Variants in ANKFY1 observed in about 807,000 individuals in gnomAD.
ANKFY1 encodes ankyrin repeat and FYVE domain containing 1.
A neutral mutation model predicts 128.3 loss-of-function variants in ANKFY1; 47 were observed. That is an observed-to-expected ratio of 0.37 (90% CI 0.29 to 0.47). ANKFY1 has a LOEUF of 0.47. Ranked by LOEUF, ANKFY1 falls within the 20% of genes least tolerant of loss-of-function variation. The probability of loss-of-function intolerance (pLI) is 1.00; values close to 1 mark genes in which losing one functional copy is unlikely to be tolerated. For missense variants in ANKFY1, 1,222 were observed against 1,510.6 expected, an observed-to-expected ratio of 0.81 and a Z score of 3.17; for synonymous variants, 553 against 601.6, an observed-to-expected ratio of 0.92 and a Z score of 1.18.
chr17:4,191,241 T>G (rs2059710430), intron 10 of ANKFY1: 1 of 152,286 alleles, frequency 6.6e-6, no homozygotes, highest in Non-Finnish European at 1.5e-5. Context: ...TGATGGTTGC[T>G]CTATACTGGA....
intron 10 of ANKFY1, among the ~76,000 whole-genome samples, chr17:4,193,772 A>T (rs2059761942): frequency 7.2e-6 from 1 of 139,384 alleles, no homozygotes; most frequent in Non-Finnish European, 1.6e-5. Flanking sequence ...TAATTTACTT[A>T]TTTTTGAGAT....
chr17:4,251,536 A>G (rs752787079), intron 1 of ANKFY1, among the ~76,000 whole-genome samples: 1 of 64,410 alleles, frequency 1.6e-5, no homozygotes, highest in African/African-American at 4.7e-5. Flanking sequence ...AATAAAAATT[A>G]AAAAAAAAAA....
intron 15 of ANKFY1, 27 bp downstream of exon 15, chr17:4,182,154 C>A: frequency 6.9e-7 from 1 of 1,444,142 alleles, no homozygotes; most frequent in East Asian, 2.5e-5. Flanking sequence ...CATCTGTAAA[C>A]AGAGGCTAAC....
intron 21 of ANKFY1, 79 bp from the exon 22 acceptor site, chr17:4,172,759 CTG>C: frequency 6.5e-7 from 1 of 1,538,058 alleles, no homozygotes; most frequent in Non-Finnish European, 8.8e-7. Context: ...TTTCTGAACT[CTG>C]TGATGGTGGA....
At chr17:4,174,927 C>T (rs1383251381) in intron 19 of ANKFY1, among the ~76,000 whole-genome samples, 1 of 151,762 alleles carries the variant, frequency 6.6e-6, no homozygotes, top group East Asian at 2.0e-4. Flanking sequence ...CAACGTCTTG[C>T]TATGTTGCCC....
chr17:4,185,179 C>G (rs907756031), intron 11 of ANKFY1, 133 bp from the exon 12 acceptor site: 2 of 776,974 alleles, frequency 2.6e-6, no homozygotes, highest in Non-Finnish European at 4.4e-6. Flanking sequence ...CTTCTGTTCT[C>G]TTTCTCCTGA....
In ANKFY1 at chr17:4,195,109, A is replaced by G. The variant is rs2059793557; in HGVS notation, c.1241T>C (p.Val414Ala). Residue 414 changes from valine (V) to alanine (A), a missense_variant, in exon 10 of 25, where the codon GTG becomes GCG. By Grantham distance (64) the Val-to-Ala change is moderately conservative. Coordinates refer to ENST00000341657, the MANE Select transcript of ANKFY1 (RefSeq NM_001330063.2). ...ALWLAVQHITVSSDQSVNPFE... is the reference protein window; with the variant it reads ...ALWLAVQHITASSDQSVNPFE... The stretch of plus-strand genomic sequence containing the variant: ...GGGGTTCACAGACTGGTCAGAAGAC[A>G]CTGTGATATGCTGCACTGCCAGCCA... 1 of 1,614,208 alleles carries G rather than the reference A, an allele frequency of 6.2e-7. No individual in the cohort carries two copies. Among genetic ancestry groups the G allele is most frequent in the Non-Finnish European group, 8.5e-7 (1 of 1,180,046 alleles).
intron 3 of ANKFY1, chr17:4,222,157 C>T (rs2060329518): frequency 6.7e-6 from 1 of 148,218 alleles, no homozygotes; most frequent in Non-Finnish European, 1.5e-5. Context: ...GCCCCGCGGC[C>T]AGAAGGCCCC....
intron 1 of ANKFY1, among the ~76,000 whole-genome samples, chr17:4,263,237 T>C (rs558177697): frequency 2.0e-5 from 3 of 152,296 alleles, no homozygotes; most frequent in South Asian, 2.1e-4. Context: ...TGCAATGTCA[T>C]GAAAAGTGCA....
intron 10 of ANKFY1, 77 bp from the exon 11 acceptor site, chr17:4,189,556 C>G: frequency 7.7e-7 from 1 of 1,298,866 alleles, no homozygotes. Context: ...CTGCTCTTCC[C>G]TGCCACCCTA....
chr17:4,255,107 G>A (rs1052050123), intron 1 of ANKFY1, among the ~76,000 whole-genome samples: 11 of 151,934 alleles, frequency 7.2e-5, no homozygotes, highest in Admixed American at 6.6e-4. Flanking sequence ...CTCCCCTCCA[G>A]CCACTCCAGT....
At chr17:4,214,360 C>T (rs2060185309) in intron 4 of ANKFY1, among the ~76,000 whole-genome samples, 1 of 152,096 alleles carries the variant, frequency 6.6e-6, no homozygotes, top group Non-Finnish European at 1.5e-5. Flanking sequence ...ATTTACGCAA[C>T]CAAGGAACAC....
intron 7 of ANKFY1, among the ~76,000 whole-genome samples, chr17:4,198,759 C>T (rs2059874613): frequency 6.6e-6 from 1 of 152,282 alleles, no homozygotes; most frequent in South Asian, 2.1e-4. Flanking sequence ...TATCTGTACA[C>T]ATTACTATTT....
intron 7 of ANKFY1, among the ~76,000 whole-genome samples, chr17:4,205,942 T>C (rs1476091898): frequency 1.3e-5 from 2 of 152,280 alleles, no homozygotes; most frequent in Non-Finnish European, 2.9e-5. Flanking sequence ...TCAAGGTTTA[T>C]GGTTTTGCTA....
intron 3 of ANKFY1, among the ~76,000 whole-genome samples, chr17:4,218,655 G>A (rs1295426015): frequency 6.6e-6 from 1 of 152,074 alleles, no homozygotes; most frequent in African/African-American, 2.4e-5. Flanking sequence ...ACCAAACACT[G>A]CCTGTTCCCC....
chr17:4,183,699 C>A, intron 13 of ANKFY1, 113 bp downstream of exon 13: 1 of 1,412,726 alleles, frequency 7.1e-7, no homozygotes. Context: ...TGTTATTTTA[C>A]AACCAAATGA....
chr17:4,244,729 A>T (rs1235384327), intron 1 of ANKFY1, among the ~76,000 whole-genome samples: 1 of 151,876 alleles, frequency 6.6e-6, no homozygotes, highest in African/African-American at 2.4e-5. Context: ...TCTCCTTCCT[A>T]CCCAAGTTTA....
chr17:4,177,070 C>CTCTA, intron 19 of ANKFY1, 56 bp downstream of exon 19: 1 of 1,441,818 alleles, frequency 6.9e-7, no homozygotes, highest in African/African-American at 1.4e-5. Context: ...TCTGCACAAG[C>CTCTA]TCTACAATAT....
chr17:4,185,904 T>A (rs957278023), intron 11 of ANKFY1, among the ~76,000 whole-genome samples: 2 of 152,144 alleles, frequency 1.3e-5, no homozygotes, highest in Non-Finnish European at 2.9e-5. Context: ...CCGTCGCTTC[T>A]TCTTTAGCTC....
Sources: allele counts gnomAD v4.1 joint callset (sites outside exome capture counted in the v4.1 genomes callset), GRCh38; gene constraint gnomAD v4.1.1; transcripts MANE v1.5; gene names NCBI Gene and HGNC (gene_info 2026-07-23, HGNC 2026-07-21).